Variants in PPARGC1A observed in about 807,000 individuals in gnomAD.
PPARGC1A encodes the protein PPARG coactivator 1 alpha.
In PPARGC1A, 25 loss-of-function variants were observed where a neutral mutation model predicts 88.7. The ratio of observed to expected loss-of-function variants is 0.28; its 90% CI spans 0.21 to 0.39. PPARGC1A has a LOEUF of 0.39. Among genes scored for constraint, PPARGC1A ranks in the 10% least tolerant of loss-of-function variants. The probability of loss-of-function intolerance (pLI) is 1.00; values close to 1 mark genes in which losing one functional copy is unlikely to be tolerated. For missense variants in PPARGC1A, 880 were observed against 968.7 expected (o/e 0.91, Z 1.22); for synonymous variants, 363 against 355.6 (o/e 1.02, Z -0.24).
chr4:24,027,854 T>C, the PPARGC1A span, among the ~76,000 whole-genome samples: 1 of 152,302 alleles, frequency 6.6e-6, no homozygotes, highest in South Asian at 2.1e-4. Flanking sequence ...ACTCCACCCT[T>C]TTTCCACCTT....
At chr4:23,881,149 A>G (rs974682500) in intron 2 of PPARGC1A, 2 of 152,344 alleles carry the variant, frequency 1.3e-5, no homozygotes, top group Middle Eastern at 3.4e-3. Context: ...CAACAGAGGG[A>G]AGGAAGTTAT....
At chr4:23,961,500 G>C in the PPARGC1A span, among the ~76,000 whole-genome samples, 1 of 152,258 alleles carries the variant, frequency 6.6e-6, no homozygotes, top group Non-Finnish European at 1.5e-5. Flanking sequence ...TATAAACAGT[G>C]ACAACATGTG....
chr4:24,088,266 G>A, the PPARGC1A span, among the ~76,000 whole-genome samples: 1 of 152,012 alleles, frequency 6.6e-6, no homozygotes, highest in East Asian at 1.9e-4. Context: ...GAAGTGGGAG[G>A]ATCACTTGAG....
the PPARGC1A span, among the ~76,000 whole-genome samples, chr4:24,329,334 C>G: frequency 2.6e-5 from 4 of 152,000 alleles, no homozygotes; most frequent in South Asian, 2.1e-4. Context: ...TCCAGTGAAC[C>G]CCATTGCCCT....
chr4:24,075,177 A>G, the PPARGC1A span, among the ~76,000 whole-genome samples: 2 of 152,188 alleles, frequency 1.3e-5, no homozygotes, highest in Admixed American at 1.3e-4. Context: ...TGTGTTTAAA[A>G]TATTCTGTAT....
At chr4:23,984,353 C>T in the PPARGC1A span, among the ~76,000 whole-genome samples, 1 of 152,082 alleles carries the variant, frequency 6.6e-6, no homozygotes, top group Non-Finnish European at 1.5e-5. Flanking sequence ...ATTAATGTCA[C>T]TCCCTCTCTC....
the PPARGC1A span, among the ~76,000 whole-genome samples, chr4:24,316,063 G>C: frequency 6.6e-6 from 1 of 152,218 alleles, no homozygotes; most frequent in African/African-American, 2.4e-5. Flanking sequence ...TGACCTTTGT[G>C]GGGTGACGGT....
At chr4:23,971,828 C>T in the PPARGC1A span, among the ~76,000 whole-genome samples, 1 of 152,164 alleles carries the variant, frequency 6.6e-6, no homozygotes, top group Non-Finnish European at 1.5e-5. Flanking sequence ...AACCATCACA[C>T]CACCCAAAAT....
chr4:24,260,717 G>A, the PPARGC1A span, among the ~76,000 whole-genome samples: 19 of 151,210 alleles, frequency 1.3e-4, no homozygotes, highest in East Asian at 3.7e-3. Flanking sequence ...CCTACAACAT[G>A]TCTTTTTTTT....
the PPARGC1A span, among the ~76,000 whole-genome samples, chr4:24,012,728 T>A: frequency 7.2e-5 from 11 of 152,272 alleles, no homozygotes; most frequent in Non-Finnish European, 1.5e-4. Context: ...GAAGAAAGAC[T>A]AATTACTAAT....
the PPARGC1A span, among the ~76,000 whole-genome samples, chr4:24,135,518 C>T: frequency 6.6e-6 from 1 of 152,090 alleles, no homozygotes. Flanking sequence ...AATGACACAA[C>T]TCAGTGCTCC....
the PPARGC1A span, among the ~76,000 whole-genome samples, chr4:24,269,804 G>A: frequency 0.023 from 3,447 of 152,272 alleles, 58 homozygotes; most frequent in South Asian, 0.043. Context: ...AAAGTCCTCA[G>A]TTCAAGGCCT....
chr4:23,862,903 C>T (rs1464929316), intron 2 of PPARGC1A, among the ~76,000 whole-genome samples: 2 of 152,200 alleles, frequency 1.3e-5, no homozygotes, highest in Non-Finnish European at 2.9e-5. Flanking sequence ...AGAGCTCCAT[C>T]GTCGCATATT....
the PPARGC1A span, among the ~76,000 whole-genome samples, chr4:24,279,694 C>T: frequency 6.6e-6 from 1 of 152,134 alleles, no homozygotes; most frequent in African/African-American, 2.4e-5. Flanking sequence ...CACCCTCAGG[C>T]ACTGAAACTT....
chr4:23,924,628 A>G, the PPARGC1A span, among the ~76,000 whole-genome samples: 14 of 152,112 alleles, frequency 9.2e-5, no homozygotes, highest in African/African-American at 2.9e-4. Context: ...TCTCGAAAAA[A>G]CTTTCATTCC....
chr4:24,118,550 T>A, the PPARGC1A span, among the ~76,000 whole-genome samples: 1 of 152,136 alleles, frequency 6.6e-6, no homozygotes, highest in Non-Finnish European at 1.5e-5. Context: ...AGAATATTAT[T>A]ATTTTTAGAA....
chr4:24,066,426 G>T, the PPARGC1A span, among the ~76,000 whole-genome samples: 1 of 152,138 alleles, frequency 6.6e-6, no homozygotes, highest in South Asian at 2.1e-4. Flanking sequence ...CCTCTAAAAA[G>T]GAGCTGACAC....
chr4:24,085,817 C>T, the PPARGC1A span, among the ~76,000 whole-genome samples: 2 of 152,166 alleles, frequency 1.3e-5, no homozygotes, highest in African/African-American at 2.4e-5. Flanking sequence ...GGGACATAAT[C>T]CTATAAGCTC....
At chr4:24,296,752 TCTAA>T in the PPARGC1A span, among the ~76,000 whole-genome samples, 22 of 152,304 alleles carry the variant, frequency 1.4e-4, 1 homozygote, top group African/African-American at 5.1e-4. Flanking sequence ...CCTTTATTAC[TCTAA>T]CTGATTTAGT....
Sources: allele counts gnomAD v4.1 joint callset (sites outside exome capture counted in the v4.1 genomes callset), GRCh38; gene constraint gnomAD v4.1.1; transcripts MANE v1.5; gene names NCBI Gene and HGNC (gene_info 2026-07-23, HGNC 2026-07-21).